The following DCLK1 variants were observed in gnomAD, a reference collection of about 807,000 sequenced individuals.
The protein encoded by DCLK1 is serine/threonine-protein kinase DCLK1.
DCLK1 carries 16 observed loss-of-function variants against 86.2 expected under a neutral mutation model. The ratio of observed to expected loss-of-function variants is 0.19; its 90% CI spans 0.13 to 0.28. The LOEUF is 0.28. Ranked by LOEUF, DCLK1 falls within the 10% of genes least tolerant of loss-of-function variation. The pLI, the probability that DCLK1 is intolerant of heterozygous loss-of-function variation, is 1.00. For missense variants in DCLK1, 590 were observed against 940.2 expected, an observed-to-expected ratio of 0.63 and a Z score of 4.87; for synonymous variants, 369 against 370.5, an observed-to-expected ratio of 1.00 and a Z score of 0.05.
At chr13:35,936,191 G>T (rs1483615327) in intron 4 of DCLK1, among the ~76,000 whole-genome samples, 1 of 152,128 alleles carries the variant, frequency 6.6e-6, no homozygotes, top group Non-Finnish European at 1.5e-5. Flanking sequence ...CTACCAAGAA[G>T]TCAAGAAGGA....
At chr13:35,849,891 GTT>G in intron 6 of DCLK1, 1 of 961,480 alleles carries the variant, frequency 1.0e-6, no homozygotes. Context: ...CCCAGCTTTA[GTT>G]TTTACACATT....
intron 3 of DCLK1, among the ~76,000 whole-genome samples, chr13:36,069,522 C>A (rs969242992): frequency 6.6e-6 from 1 of 152,190 alleles, no homozygotes; most frequent in Non-Finnish European, 1.5e-5. Context: ...AACTTTCAGT[C>A]ACCAGGGTGG....
At chr13:35,976,878 TAA>T (rs1301840396) in intron 3 of DCLK1, among the ~76,000 whole-genome samples, 2 of 152,138 alleles carry the variant, frequency 1.3e-5, no homozygotes, top group African/African-American at 4.8e-5. Context: ...GACGCTGCAC[TAA>T]GTTACACTTT....
At chr13:35,802,913 C>A (rs925778956) in intron 15 of DCLK1, among the ~76,000 whole-genome samples, 4 of 152,166 alleles carry the variant, frequency 2.6e-5, no homozygotes, top group Non-Finnish European at 5.9e-5. Context: ...CTGGCTTGTG[C>A]CTCTTCCTCC....
Position 35,825,820 on chromosome 13 carries a change from A to ATT in DCLK1, c.1407+1813_1407+1814dup, listed in dbSNP as rs61515185. On this transcript the variant is annotated intron_variant, in intron 10 of 16. Coordinates refer to ENST00000360631, the MANE Select transcript of DCLK1 (RefSeq NM_001330071.2). ...CAAATGAAATCGACTTTTCTTTTTT[A>ATT]TTTTTTTTTGAGACAGAGTTTCGCT... Among the ~76,000 whole-genome samples the ATT allele has an allele frequency of 4.2e-3, 630 of 150,264 alleles. 5 individuals carry two copies. Among genetic ancestry groups the ATT allele is most frequent in the African/African-American group, 0.012 (498 of 40,930 alleles).
intron 10 of DCLK1, among the ~76,000 whole-genome samples, chr13:35,825,821 T>TA (rs945681597): frequency 6.5e-5 from 1 of 15,344 alleles, no homozygotes; most frequent in Non-Finnish European, 2.4e-4. Context: ...TTCTTTTTTA[T>TA]TTTTTTTTGA....
intron 3 of DCLK1, among the ~76,000 whole-genome samples, chr13:36,049,888 C>T (rs1883063852): frequency 6.6e-6 from 1 of 152,014 alleles, no homozygotes; most frequent in African/African-American, 2.4e-5. Flanking sequence ...TGACTGAAAA[C>T]CAGCAGAGTG....
chr13:36,013,867 A>G (rs1211381097), intron 3 of DCLK1, among the ~76,000 whole-genome samples: 1 of 152,172 alleles, frequency 6.6e-6, no homozygotes, highest in Non-Finnish European at 1.5e-5. Flanking sequence ...CTGCTGTGCT[A>G]GCAATCAGCG....
chr13:36,093,024 A>G (rs1219391013), intron 3 of DCLK1, among the ~76,000 whole-genome samples: 1 of 152,244 alleles, frequency 6.6e-6, no homozygotes, highest in African/African-American at 2.4e-5. Context: ...ACTGATAATT[A>G]GGCCTTCCCG....
intron 2 of DCLK1, among the ~76,000 whole-genome samples, chr13:36,124,377 G>A (rs1490730809): frequency 2.6e-5 from 4 of 152,228 alleles, no homozygotes; most frequent in African/African-American, 9.6e-5. Flanking sequence ...CCACAGGCAT[G>A]TTGGCAGCAT....
intron 5 of DCLK1, among the ~76,000 whole-genome samples, chr13:35,864,570 A>AT (rs1383903786): frequency 4.6e-5 from 3 of 65,274 alleles, no homozygotes; most frequent in Admixed American, 1.8e-4. Context: ...GTCTCAAAAA[A>AT]AAAAAAAAAA....
intron 6 of DCLK1, chr13:35,850,479 G>T (rs1832571230): frequency 3.4e-6 from 4 of 1,175,028 alleles, no homozygotes; most frequent in Non-Finnish European, 4.2e-6. Context: ...AAAAATCTCA[G>T]CATTTTGTGT....
At chr13:35,804,841 T>C (rs1195641688) in intron 15 of DCLK1, among the ~76,000 whole-genome samples, 1 of 152,184 alleles carries the variant, frequency 6.6e-6, no homozygotes, top group Non-Finnish European at 1.5e-5. Context: ...GTTAATGAAA[T>C]ATCATTAGAC....
intron 16 of DCLK1, among the ~76,000 whole-genome samples, chr13:35,786,865 G>T (rs1472523718): frequency 6.6e-6 from 1 of 152,062 alleles, no homozygotes; most frequent in Admixed American, 6.5e-5. Flanking sequence ...AAATGGAGAA[G>T]ACACAAATAG....
At position 35,960,038 on chromosome 13, in the gene DCLK1, T is replaced by C. The variant is rs529680851; in HGVS notation, c.724-12581A>G. Among the ~76,000 whole-genome samples the C allele has an allele frequency of 1.1e-3, 166 of 152,236 alleles. 1 individual carries two copies. Among genetic ancestry groups the C allele is most frequent in the African/African-American group, 4.0e-3 (165 of 41,552 alleles). On this transcript the variant is annotated intron_variant, in intron 3 of 16. Transcript: ENST00000360631. ...CCCCAATGCTTGATCATCATGACTA[T>C]CCCTTTCCTTTTCCTGGAGAGAGGA...
At chr13:35,830,697 A>T (rs1045774931) in intron 8 of DCLK1, among the ~76,000 whole-genome samples, 3 of 152,194 alleles carry the variant, frequency 2.0e-5, no homozygotes, top group South Asian at 2.1e-4. Context: ...GGGAATCTAG[A>T]CCATTGCACT....
chr13:36,025,219 C>T (rs942422335), intron 3 of DCLK1, among the ~76,000 whole-genome samples: 8 of 152,116 alleles, frequency 5.3e-5, no homozygotes, highest in East Asian at 1.9e-4. Context: ...CCACCCGCTT[C>T]GGCCTCCCAA....
intron 5 of DCLK1, among the ~76,000 whole-genome samples, chr13:35,858,704 A>C (rs1871221843): frequency 6.6e-6 from 1 of 152,202 alleles, no homozygotes; most frequent in Non-Finnish European, 1.5e-5. Context: ...CAAAAACTGC[A>C]ATTACTTTTG....
intron 8 of DCLK1, among the ~76,000 whole-genome samples, chr13:35,828,855 T>A (rs1167195869): frequency 6.6e-6 from 1 of 152,140 alleles, no homozygotes; most frequent in Non-Finnish European, 1.5e-5. Flanking sequence ...TATGACAGTT[T>A]TCTGAATGTT....
Sources: gnomAD v4.1 joint callset for allele counts (sites outside exome capture counted in the v4.1 genomes callset) on GRCh38, gnomAD v4.1.1 for gene constraint, MANE v1.5 for transcripts, NCBI Gene and HGNC (gene_info 2026-07-23, HGNC 2026-07-21) for gene names.